The following AMPH variants were observed in gnomAD, a reference collection of about 807,000 sequenced individuals.
AMPH encodes amphiphysin, also known as amphiphysin (Stiff-Mann syndrome with breast cancer 128kD autoantigen).
AMPH carries 49 observed loss-of-function variants against 99.1 expected under a neutral mutation model. The ratio of observed to expected loss-of-function variants is 0.49; its 90% CI spans 0.39 to 0.63. The LOEUF (loss-of-function observed/expected upper bound fraction) is 0.63. Among genes scored for constraint, AMPH ranks in the 20% least tolerant of loss-of-function variants. The pLI is 0.00. For missense variants in AMPH, 759 were observed against 863.4 expected, an observed-to-expected ratio of 0.88 and a Z score of 1.52; for synonymous variants, 314 against 317.3, an observed-to-expected ratio of 0.99 and a Z score of 0.11.
In AMPH at chr7:38,571,267, TTA is replaced by T. The variant is rs1194644517; in HGVS notation, c.70-36258_70-36257del. Among the ~76,000 whole-genome samples the T allele has an allele frequency of 4.6e-4, 20 of 43,676 alleles. 2 individuals carry two copies. The highest frequency in any genetic ancestry group is 1.7e-3 in the East Asian group (4 of 2,358). The allele number at this position is 43,676 out of a possible 152,430, so 28.7% of individuals were successfully genotyped here. ...TTATAAATATATATTAAATATATAT[TTA>T]TATATATATTTTTATATATATTTAT... On this transcript the variant is annotated intron_variant, in intron 1 of 20. Transcript: ENST00000356264.
intron 1 of AMPH, 113 bp downstream of exon 1, chr7:38,631,170 C>T: frequency 1.0e-6 from 1 of 970,786 alleles, no homozygotes; most frequent in Non-Finnish European, 1.3e-6. Flanking sequence ...CCCGGCCCCG[C>T]TCCGCAGCGC....
chr7:38,498,190 C>T (rs1018878653), intron 3 of AMPH, among the ~76,000 whole-genome samples: 1 of 152,160 alleles, frequency 6.6e-6, no homozygotes, highest in African/African-American at 2.4e-5. Flanking sequence ...CCTCCCAAAG[C>T]TGAGTCACCA....
chr7:38,462,938 T>C (rs2129008859), intron 10 of AMPH, 37 bp downstream of exon 10: 1 of 1,512,214 alleles, frequency 6.6e-7, no homozygotes, highest in Non-Finnish European at 8.8e-7. Flanking sequence ...CATCTCATCA[T>C]GAGCTCTATC....
chr7:38,429,234 G>A (rs1785905244), intron 14 of AMPH: 1 of 1,287,934 alleles, frequency 7.8e-7, no homozygotes. Context: ...AGCAGCAATG[G>A]CAACTCCAGC....
intron 1 of AMPH, among the ~76,000 whole-genome samples, chr7:38,554,034 G>A (rs1540481): frequency 0.53 from 80,947 of 151,964 alleles, 21,813 homozygotes; most frequent in East Asian, 0.73. Context: ...AGCCCCAGCT[G>A]CATCGTTTCT....
intron 5 of AMPH, among the ~76,000 whole-genome samples, chr7:38,487,548 A>G (rs1028816594): frequency 6.6e-6 from 1 of 152,146 alleles, no homozygotes; most frequent in Non-Finnish European, 1.5e-5. Context: ...ACTTAAACAT[A>G]AGACCTAAAA....
At chr7:38,533,696 A>C (rs1380492856) in intron 2 of AMPH, among the ~76,000 whole-genome samples, 1 of 152,182 alleles carries the variant, frequency 6.6e-6, no homozygotes, top group Non-Finnish European at 1.5e-5. Context: ...CTCTGTGGAC[A>C]CTGGTAACTC....
intron 11 of AMPH, among the ~76,000 whole-genome samples, chr7:38,456,905 T>A (rs1402019604): frequency 6.6e-6 from 1 of 152,190 alleles, no homozygotes; most frequent in African/African-American, 2.4e-5. Context: ...CAACCTGGCA[T>A]CCTTGTCCTC....
At chr7:38,403,767 TC>T (rs1207898847) in intron 17 of AMPH, among the ~76,000 whole-genome samples, 1 of 152,130 alleles carries the variant, frequency 6.6e-6, no homozygotes, top group Non-Finnish European at 1.5e-5. Flanking sequence ...CTGGGAAAGA[TC>T]ATGGAAAAGA....
At chr7:38,534,831 C>T (rs1003941668) in intron 2 of AMPH, 100 bp downstream of exon 2, 7 of 982,342 alleles carry the variant, frequency 7.1e-6, no homozygotes, top group Non-Finnish European at 1.1e-5. Flanking sequence ...GTGCCAACTC[C>T]ATCTAGTCTT....
chr7:38,394,089 C>T lies in AMPH; in HGVS notation c.1524G>A (p.Glu508=). The change falls in exon 18 of 21, where the codon GAG becomes GAA. Residue 508 remains glutamate (E), a synonymous_variant. Coordinates refer to ENST00000356264, the MANE Select transcript of AMPH (RefSeq NM_001635.4). ...TGGTTTCAGTTCCAATTTTGGCCTC[C>T]TCTAAACTTACTCCTTCCCCGGCAG... The part of the protein sequence containing the change: ...TVPAGEGVSL[E]EAKIGTETTE... 1 of 1,614,186 alleles carries T rather than the reference C, an allele frequency of 6.2e-7. No individual in the cohort carries two copies. Among genetic ancestry groups the T allele is most frequent in the East Asian group, 2.2e-5 (1 of 44,884 alleles).
At chr7:38,621,255 T>G (rs1794048280) in intron 1 of AMPH, among the ~76,000 whole-genome samples, 2 of 152,232 alleles carry the variant, frequency 1.3e-5, no homozygotes, top group South Asian at 4.1e-4. Flanking sequence ...AACTGTATTT[T>G]TATCATACAT....
intron 2 of AMPH, among the ~76,000 whole-genome samples, chr7:38,516,938 A>C (rs2196676): frequency 6.6e-6 from 1 of 152,246 alleles, no homozygotes; most frequent in African/African-American, 2.4e-5. Flanking sequence ...CATGGGGCCC[A>C]TAGCCCCTTT....
At chr7:38,430,819 C>T (rs1785987758) in intron 13 of AMPH, among the ~76,000 whole-genome samples, 1 of 152,174 alleles carries the variant, frequency 6.6e-6, no homozygotes, top group African/African-American at 2.4e-5. Flanking sequence ...GAGCACTTCC[C>T]TTGATGCTCC....
intron 14 of AMPH, chr7:38,429,588 T>C (rs1200077382): frequency 6.9e-7 from 1 of 1,450,486 alleles, no homozygotes; most frequent in Non-Finnish European, 9.1e-7. Flanking sequence ...CTTTAAAGTA[T>C]GCAGAAGAGC....
chr7:38,549,984 A>T (rs957383282), intron 1 of AMPH, among the ~76,000 whole-genome samples: 1 of 152,222 alleles, frequency 6.6e-6, no homozygotes. Flanking sequence ...ATAATTTACA[A>T]CACTTAATAT....
Position 38,525,277 on chromosome 7 carries a change from T to TATATATATATAG in AMPH, c.150+9653_150+9654insCTATATATATAT, listed in dbSNP as rs1481528083. 7.5e-3 allele frequency among the ~76,000 whole-genome samples: 648 copies of TATATATATATAG among 86,526 alleles called. 10 individuals carry two copies. The highest frequency in any genetic ancestry group is 0.013 in the African/African-American group (283 of 21,066). The allele number at this position is 86,526 out of a possible 152,430, so 56.8% of individuals were successfully genotyped here. A position where few individuals can be genotyped will look rare whatever the true frequency, so the allele number is the denominator to read the frequency against. On this transcript the variant is annotated intron_variant, in intron 2 of 20. Transcript: ENST00000356264. ...GTGTGTGTATATATATATATATATA[T>TATATATATATAG]AGAGAGAGAGAGAGAGAGAGAGAGA...
chr7:38,397,188 G>T (rs75499541), intron 17 of AMPH, among the ~76,000 whole-genome samples: 2,394 of 152,298 alleles, frequency 0.016, 57 homozygotes, highest in African/African-American at 0.055. Context: ...AAGTGATTAT[G>T]CATAAATCCT....
intron 1 of AMPH, among the ~76,000 whole-genome samples, chr7:38,541,731 G>A (rs1315861073): frequency 6.6e-6 from 1 of 152,198 alleles, no homozygotes; most frequent in Admixed American, 6.5e-5. Flanking sequence ...AAAAGGTTGA[G>A]AATGACATAC....
Sources: gnomAD v4.1 joint callset for allele counts (sites outside exome capture counted in the v4.1 genomes callset) on GRCh38, gnomAD v4.1.1 for gene constraint, MANE v1.5 for transcripts, NCBI Gene and HGNC (gene_info 2026-07-23, HGNC 2026-07-21) for gene names.